DCC: variants seen among roughly 807,000 people sequenced by gnomAD.
DCC encodes DCC netrin 1 receptor, also known as netrin receptor DCC.
In DCC, 58 loss-of-function variants were observed where a neutral mutation model predicts 172.5. The observed-to-expected ratio is 0.34, with a 90% CI of 0.27 to 0.42. The LOEUF is 0.42. DCC is among the 10% of genes least tolerant of loss of function. The pLI is 1.00. For synonymous variants in DCC, 709 were observed against 644.5 expected (o/e 1.10, Z -1.52); for missense variants, 1,740 against 1,791.0 (o/e 0.97, Z 0.51).
intron 5 of DCC, among the ~76,000 whole-genome samples, chr18:52,939,393 CTG>C (rs1568199641): frequency 6.6e-6 from 1 of 152,108 alleles, no homozygotes; most frequent in African/African-American, 2.4e-5. Flanking sequence ...TTATCACAGT[CTG>C]TTATTATCTA....
intron 6 of DCC, 21 bp from the exon 7 acceptor site, chr18:53,066,025 C>T (rs114365996): frequency 2.5e-6 from 4 of 1,611,776 alleles, no homozygotes; most frequent in East Asian, 4.5e-5. Context: ...AAATACTTTA[C>T]CTGCTTTTTC....
intron 1 of DCC, among the ~76,000 whole-genome samples, chr18:52,392,380 C>A (rs1218916263): frequency 6.6e-6 from 1 of 152,096 alleles, no homozygotes. Flanking sequence ...TTGGATGATA[C>A]ATTGCCACAT....
intron 5 of DCC, among the ~76,000 whole-genome samples, chr18:53,015,084 A>T (rs2041789920): frequency 1.3e-5 from 2 of 152,204 alleles, no homozygotes; most frequent in Non-Finnish European, 1.5e-5. Context: ...TGAGAGAAGG[A>T]ATGTCAACAA....
At chr18:52,955,588 G>A (rs1476465577) in intron 5 of DCC, among the ~76,000 whole-genome samples, 3 of 151,952 alleles carry the variant, frequency 2.0e-5, no homozygotes, top group Admixed American at 6.6e-5. Flanking sequence ...TGGATCATAT[G>A]TGAAGAGTAT....
In DCC at chr18:53,366,062, G is replaced by GTT. The variant is rs112101701; in HGVS notation, c.2360-19971_2360-19970dup. ...TGCTCTTTGACAAAAATACTTAATT[G>GTT]TTTTTTTTTTTGAGACAGGGTTTCA... On this transcript the variant is annotated intron_variant, in intron 15 of 28. Coordinates refer to ENST00000442544, the MANE Select transcript of DCC (RefSeq NM_005215.4). Among the ~76,000 whole-genome samples the GTT allele has an allele frequency of 1.5e-3, 215 of 147,178 alleles. 1 individual carries two copies. The highest frequency in any genetic ancestry group is 4.4e-3 in the African/African-American group (176 of 40,344).
chr18:53,160,032 G>A (rs1180898573), intron 8 of DCC, among the ~76,000 whole-genome samples: 5 of 152,100 alleles, frequency 3.3e-5, no homozygotes, highest in Non-Finnish European at 5.9e-5. Context: ...GAAGAGAAAG[G>A]GAAGGAGAAG....
At chr18:53,048,185 C>T (rs2042284026) in intron 5 of DCC, among the ~76,000 whole-genome samples, 1 of 151,624 alleles carries the variant, frequency 6.6e-6, no homozygotes, top group Admixed American at 6.6e-5. Flanking sequence ...AACTGCATCA[C>T]AGGAGTTTGT....
At chr18:52,989,472 G>A (rs771566345) in intron 5 of DCC, among the ~76,000 whole-genome samples, 13 of 151,924 alleles carry the variant, frequency 8.6e-5, no homozygotes, top group Middle Eastern at 6.8e-3. Flanking sequence ...GCAGTGAACC[G>A]AGATCACACC....
At chr18:53,230,067 C>T (rs1240453639) in intron 12 of DCC, among the ~76,000 whole-genome samples, 1 of 152,154 alleles carries the variant, frequency 6.6e-6, no homozygotes, top group East Asian at 1.9e-4. Context: ...CTCCAGATTA[C>T]ATCTTTATTG....
At chr18:52,939,432 T>A (rs2040428043) in intron 5 of DCC, among the ~76,000 whole-genome samples, 1 of 152,180 alleles carries the variant, frequency 6.6e-6, no homozygotes, top group Non-Finnish European at 1.5e-5. Flanking sequence ...TGTTTTTTTG[T>A]CTCCCCAGTG....
intron 1 of DCC, among the ~76,000 whole-genome samples, chr18:52,649,233 C>T (rs572416771): frequency 1.6e-4 from 25 of 152,076 alleles, no homozygotes; most frequent in African/African-American, 5.8e-4. Flanking sequence ...ATTAGCCAGG[C>T]GTGGTGGCAG....
intron 1 of DCC, among the ~76,000 whole-genome samples, chr18:52,741,692 C>G (rs1046929732): frequency 6.6e-6 from 1 of 152,054 alleles, no homozygotes; most frequent in Non-Finnish European, 1.5e-5. Flanking sequence ...CTATGAGGTC[C>G]CATTGAATCT....
intron 2 of DCC, among the ~76,000 whole-genome samples, chr18:52,775,835 G>A (rs1228030137): frequency 6.6e-6 from 1 of 152,218 alleles, no homozygotes; most frequent in Non-Finnish European, 1.5e-5. Flanking sequence ...ACATTTGGGT[G>A]TGAAAGTAGG....
rs369443372 is a variant in DCC, at chr18:52,859,836, TTACA to T, written c.413-46201_413-46198del. Among the ~76,000 whole-genome samples, 513 of 152,134 alleles carry T rather than the reference TTACA, an allele frequency of 3.4e-3. 5 individuals are homozygous for T. Among genetic ancestry groups the T allele is most frequent in the African/African-American group, 0.011 (477 of 41,500 alleles). ...GTTCCTACTTTGAAACTTCAAAAAA[TTACA>T]TACATAAAAAGGCAAATTGGTAGCT... On this transcript the variant is annotated intron_variant, in intron 2 of 28. Coordinates refer to ENST00000442544, the MANE Select transcript of DCC (RefSeq NM_005215.4).
chr18:53,295,819 A>C (rs1486662344), intron 12 of DCC, among the ~76,000 whole-genome samples: 1 of 152,166 alleles, frequency 6.6e-6, no homozygotes, highest in Non-Finnish European at 1.5e-5. Context: ...CGTGTTGCCT[A>C]TGTCAGAAAC....
intron 12 of DCC, among the ~76,000 whole-genome samples, chr18:53,235,417 G>C (rs2144624863): frequency 6.6e-6 from 1 of 152,232 alleles, no homozygotes; most frequent in East Asian, 1.9e-4. Context: ...AGAGTTACAA[G>C]AAGAAAGAAC....
intron 15 of DCC, among the ~76,000 whole-genome samples, chr18:53,355,001 A>T (rs577719413): frequency 6.6e-6 from 1 of 152,214 alleles, no homozygotes; most frequent in Middle Eastern, 3.4e-3. Flanking sequence ...ATGGCTAGCC[A>T]GTTTTCCCAG....
chr18:53,452,915 G>C (rs1401629063), intron 23 of DCC, among the ~76,000 whole-genome samples: 1 of 151,812 alleles, frequency 6.6e-6, no homozygotes, highest in African/African-American at 2.4e-5. Flanking sequence ...TTGTTTGTTT[G>C]TTTGTTTGTT....
chr18:53,025,795 T>C (rs1415020800), intron 5 of DCC, among the ~76,000 whole-genome samples: 1 of 141,508 alleles, frequency 7.1e-6, no homozygotes, highest in Admixed American at 7.2e-5. Context: ...AAAACTATGA[T>C]ACACACACAC....
Sources: allele counts gnomAD v4.1 joint callset (sites outside exome capture counted in the v4.1 genomes callset), GRCh38; gene constraint gnomAD v4.1.1; transcripts MANE v1.5; gene names NCBI Gene and HGNC (gene_info 2026-07-23, HGNC 2026-07-21).